Variants in ACO1 observed in about 807,000 individuals in gnomAD.
ACO1 encodes cytoplasmic aconitate hydratase.
ACO1 carries 78 observed loss-of-function variants against 105.1 expected under a neutral mutation model. That is an observed-to-expected ratio of 0.74 (90% CI 0.62 to 0.90). The LOEUF is 0.90. ACO1 is among the 40% of genes least tolerant of loss of function. The pLI is 0.00. For synonymous variants in ACO1, 364 were observed against 397.4 expected, an observed-to-expected ratio of 0.92 and a Z score of 1.00; for missense variants, 965 against 1,111.1, an observed-to-expected ratio of 0.87 and a Z score of 1.87.
At chr9:32,442,710 AAATC>A (rs1822509703) in intron 19 of ACO1, among the ~76,000 whole-genome samples, 1 of 152,184 alleles carries the variant, frequency 6.6e-6, no homozygotes, top group South Asian at 2.1e-4. Flanking sequence ...TAGTAGAAAA[AAATC>A]AAGGGAAAAA....
At chr9:32,403,337 C>T (rs542784538) in intron 1 of ACO1, among the ~76,000 whole-genome samples, 4 of 152,312 alleles carry the variant, frequency 2.6e-5, no homozygotes, top group South Asian at 2.1e-4. Flanking sequence ...GCTGGTATAA[C>T]TAACTGGTTC....
At position 32,450,938 on chromosome 9, in the gene ACO1, A is replaced by G. The variant is rs1419947690; in HGVS notation, c.*827A>G. 1 of 149,698 alleles carries G rather than the reference A, an allele frequency of 6.7e-6. No homozygotes were observed. The allele number at this position is 149,698 out of a possible 1,614,324, so 9.3% of individuals were successfully genotyped here. A position where few individuals can be genotyped will look rare whatever the true frequency, so the allele number is the denominator to read the frequency against. ...TCATTGGGAAGCCTGAATAACCTTC[A>G]TATTCTCCCATTTTTACAACTCTAT... On this transcript the variant is annotated 3_prime_UTR_variant, in exon 21 of 21. Coordinates refer to ENST00000309951, the MANE Select transcript of ACO1 (RefSeq NM_002197.3).
intron 4 of ACO1, among the ~76,000 whole-genome samples, chr9:32,410,858 A>G (rs1423476254): frequency 6.6e-6 from 1 of 152,190 alleles, no homozygotes. Flanking sequence ...CAGCTGACCT[A>G]GGTGAGCACA....
intron 18 of ACO1, among the ~76,000 whole-genome samples, chr9:32,437,212 A>G (rs1822380892): frequency 6.6e-6 from 1 of 152,146 alleles, no homozygotes; most frequent in Non-Finnish European, 1.5e-5. Context: ...GCTCATAACA[A>G]CCCCTTGAGG....
chr9:32,408,676 A>G, intron 4 of ACO1, 25 bp downstream of exon 4: 1 of 1,612,676 alleles, frequency 6.2e-7, no homozygotes, highest in Non-Finnish European at 8.5e-7. Context: ...CGAATACCTG[A>G]GTGTTCTGCT....
intron 1 of ACO1, among the ~76,000 whole-genome samples, chr9:32,385,851 G>A (rs10758136): frequency 0.92 from 139,552 of 152,288 alleles, 64,672 homozygotes; most frequent in Non-Finnish European, 0.99. Context: ...TGAGGATGCT[G>A]GTGTAGGAAA....
rs1460563653 is a variant in ACO1 at position 32,425,466 on chromosome 9, A to G, written c.1189-372A>G. 2.6e-5 allele frequency among the ~76,000 whole-genome samples: 4 copies of G among 152,248 alleles called. 1 individual carries two copies. The South Asian group carries it at 8.3e-4, about 31-fold the overall frequency. ...TAGAATCCATAGTCTTAATCAGTCC[A>G]TATCCATTAAACTGTACAATAATGT... On this transcript the variant is annotated intron_variant, in intron 10 of 20. Coordinates refer to ENST00000309951, the MANE Select transcript of ACO1 (RefSeq NM_002197.3).
intron 1 of ACO1, among the ~76,000 whole-genome samples, chr9:32,402,955 A>G (rs1234753026): frequency 6.6e-6 from 1 of 152,162 alleles, no homozygotes; most frequent in African/African-American, 2.4e-5. Flanking sequence ...AAGTGGCAGG[A>G]GACAGGTGAC....
intron 4 of ACO1, among the ~76,000 whole-genome samples, chr9:32,410,749 T>TA (rs35631511): frequency 0.33 from 50,851 of 151,880 alleles, 9,377 homozygotes; most frequent in Non-Finnish European, 0.42. Flanking sequence ...GAGATGGGTG[T>TA]AAAAAAAATC....
chr9:32,405,336 CTA>C (rs1821586067), intron 1 of ACO1, 147 bp from the exon 2 acceptor site: 1 of 572,886 alleles, frequency 1.7e-6, no homozygotes, highest in South Asian at 2.5e-5. Context: ...AAATTTTTAA[CTA>C]TTTTTTTTAA....
chr9:32,404,571 C>T (rs900429472), intron 1 of ACO1, among the ~76,000 whole-genome samples: 6 of 152,208 alleles, frequency 3.9e-5, no homozygotes, highest in African/African-American at 1.2e-4. Context: ...CCTTCATGCC[C>T]TCTCGGCTGG....
At chr9:32,389,936 T>A (rs1030332931) in intron 1 of ACO1, among the ~76,000 whole-genome samples, 3 of 151,998 alleles carry the variant, frequency 2.0e-5, no homozygotes, top group East Asian at 1.9e-4. Flanking sequence ...TAGCTGGAAT[T>A]ACAGGCGTGC....
At chr9:32,438,620 G>GA (rs1822412678) in intron 18 of ACO1, among the ~76,000 whole-genome samples, 1 of 152,064 alleles carries the variant, frequency 6.6e-6, no homozygotes, top group Non-Finnish European at 1.5e-5. Context: ...GAAAAACATA[G>GA]AAAAAATGAA....
Position 32,418,526 on chromosome 9 carries a change from A to G in ACO1, c.658+15A>G. On this transcript the variant is annotated intron_variant, in intron 6 of 20. Transcript: ENST00000309951. ...TCTTGGTTGGGGTGAGTGTTCTTCC[A>G]TATATGCTGTTTTGGGGCATGCACT... 6.2e-7 allele frequency: 1 copy of G among 1,604,548 alleles called. No individual in the cohort carries two copies. The highest frequency in any genetic ancestry group is 1.7e-5 in the Admixed American group (1 of 59,524).
In ACO1 at chr9:32,451,381, T is replaced by C. The variant is rs1822764033; in HGVS notation, c.*1270T>C. The C allele has an allele frequency of 6.6e-6, 1 of 152,084 alleles. No individual in the cohort carries two copies. Among genetic ancestry groups the C allele is most frequent in the Non-Finnish European group, 1.5e-5 (1 of 68,050 alleles). The allele number at this position is 152,084 out of a possible 1,614,324, so 9.4% of individuals were successfully genotyped here. A position where few individuals can be genotyped will look rare whatever the true frequency, so the allele number is the denominator to read the frequency against. ...CTGGTGGGGGAGAGAGAAAATAGGC[T>C]CTCATGTCTCTTCTTACAGCAACAC... On this transcript the variant is annotated 3_prime_UTR_variant, in exon 21 of 21. Coordinates refer to ENST00000309951, the MANE Select transcript of ACO1 (RefSeq NM_002197.3).
intron 12 of ACO1, among the ~76,000 whole-genome samples, 173 bp from the exon 13 acceptor site, chr9:32,429,246 T>C (rs1292616685): frequency 6.6e-6 from 1 of 152,226 alleles, no homozygotes. Flanking sequence ...ATTCTTATGT[T>C]ATATATCAGA....
chr9:32,388,138 C>G (rs1821192227), intron 1 of ACO1, among the ~76,000 whole-genome samples: 1 of 152,166 alleles, frequency 6.6e-6, no homozygotes. Flanking sequence ...ATGGATGTAC[C>G]TGCAGTCTAA....
chr9:32,422,657 C>A (rs1213241683), intron 8 of ACO1, among the ~76,000 whole-genome samples: 2 of 152,108 alleles, frequency 1.3e-5, no homozygotes, highest in Non-Finnish European at 2.9e-5. Context: ...GATGCAGCAT[C>A]GTGAGTTAAG....
Position 32,431,851 on chromosome 9 carries a change from C to T in ACO1, c.1851+8C>T, listed in dbSNP as rs1416459630. The T allele has an allele frequency of 3.1e-6, 5 of 1,613,686 alleles. No individual in the cohort carries two copies. In the South Asian group the frequency reaches 5.5e-5, roughly 18 times the overall value. On this transcript the variant is annotated splice_region_variant and intron_variant, in intron 15 of 20. Coordinates refer to ENST00000309951, the MANE Select transcript of ACO1 (RefSeq NM_002197.3). ...GTCTATCAGAAAATAGAGGTGAGGT[C>T]CCACACTGCCCTCCCCGCCCCAGAG...
Sources: allele counts gnomAD v4.1 joint callset (sites outside exome capture counted in the v4.1 genomes callset), GRCh38; gene constraint gnomAD v4.1.1; transcripts MANE v1.5; gene names NCBI Gene and HGNC (gene_info 2026-07-23, HGNC 2026-07-21).